The following MECOM variants were observed in gnomAD, a reference collection of about 807,000 sequenced individuals.
MECOM encodes MDS1 and EVI1 complex locus.
MECOM carries 13 observed loss-of-function variants against 116.3 expected under a neutral mutation model. The observed-to-expected ratio is 0.11, with a 90% CI of 0.07 to 0.18. The LOEUF (loss-of-function observed/expected upper bound fraction) is 0.18. MECOM is among the 10% of genes least tolerant of loss of function. The probability of loss-of-function intolerance (pLI) is 1.00; values close to 1 mark genes in which losing one functional copy is unlikely to be tolerated. For synonymous variants in MECOM, 528 were observed against 535.2 expected, an observed-to-expected ratio of 0.99 and a Z score of 0.19; for missense variants, 1,299 against 1,509.0, an observed-to-expected ratio of 0.86 and a Z score of 2.31.
In MECOM at chr3:169,483,090, T is replaced by C. The variant is rs571946012; in HGVS notation, c.38-101566A>G. Among the ~76,000 whole-genome samples the C allele has an allele frequency of 5.3e-5, 8 of 152,188 alleles. No homozygotes were observed. In the South Asian group the frequency reaches 6.2e-4, roughly 12 times the overall value. On this transcript the variant is annotated intron_variant, in intron 1 of 16. Coordinates refer to ENST00000651503, the MANE Select transcript of MECOM (RefSeq NM_004991.4). ...ATCAGGTGATTATTAATTCATGGTATACTCGACTAGCAGCCAAAACTACAA... is the reference window on the plus strand; with the variant it reads ...ATCAGGTGATTATTAATTCATGGTACACTCGACTAGCAGCCAAAACTACAA...
At chr3:169,485,944 T>TATATATATACATATATA (rs1491555135) in intron 1 of MECOM, among the ~76,000 whole-genome samples, 2 of 101,310 alleles carry the variant, frequency 2.0e-5, no homozygotes, top group African/African-American at 4.2e-5. Flanking sequence ...TATATATGTA[T>TATATATATACATATATA]GTATATATGT....
At chr3:169,238,685 C>T (rs906099900) in intron 2 of MECOM, among the ~76,000 whole-genome samples, 9 of 152,112 alleles carry the variant, frequency 5.9e-5, no homozygotes, top group Non-Finnish European at 1.2e-4. Context: ...AGGCATAAAG[C>T]TGATTCAGAT....
rs897589795 is a variant in MECOM, at chr3:169,321,503, T to C, written c.375+59684A>G. ...TTGCAGTGAGCTGAGATTGCAACAC[T>C]GCACTCCAGCCTGGGTGACAGAGCG... On this transcript the variant is annotated intron_variant, in intron 2 of 16. Transcript: ENST00000651503. Among the ~76,000 whole-genome samples the C allele has an allele frequency of 2.6e-5, 4 of 151,892 alleles. No homozygotes were observed. The East Asian group carries it at 7.8e-4, about 29-fold the overall frequency.
chr3:169,288,286 G>T (rs1290189148), intron 2 of MECOM, among the ~76,000 whole-genome samples: 1 of 151,408 alleles, frequency 6.6e-6, no homozygotes. Context: ...GAATAGGCAA[G>T]AAAAATAAAT....
At chr3:169,322,998 A>T (rs34649132) in intron 2 of MECOM, among the ~76,000 whole-genome samples, 1,152 of 33,192 alleles carry the variant, frequency 0.035, 12 homozygotes, top group East Asian at 0.22. Flanking sequence ...AGACTCCGGT[A>T]AAAAAAAAAA....
chr3:169,121,319 T>C, intron 6 of MECOM, 110 bp from the exon 7 acceptor site: 1 of 1,191,348 alleles, frequency 8.4e-7, no homozygotes, highest in Non-Finnish European at 1.1e-6. Context: ...GTTTTTCTTT[T>C]CCCCAAAGAC....
intron 2 of MECOM, among the ~76,000 whole-genome samples, chr3:169,335,831 T>C (rs1723501268): frequency 6.6e-6 from 1 of 152,150 alleles, no homozygotes; most frequent in Non-Finnish European, 1.5e-5. Flanking sequence ...GCATTTAATA[T>C]ATGTATATAA....
At chr3:169,516,353 C>G (rs1263744454) in intron 1 of MECOM, among the ~76,000 whole-genome samples, 3 of 152,092 alleles carry the variant, frequency 2.0e-5, no homozygotes, top group African/African-American at 7.2e-5. Flanking sequence ...TATCTTTAAA[C>G]AAGAAAGCAA....
intron 1 of MECOM, among the ~76,000 whole-genome samples, chr3:169,648,643 T>C (rs1774474838): frequency 6.6e-6 from 1 of 152,246 alleles, no homozygotes; most frequent in Admixed American, 6.5e-5. Flanking sequence ...CTTGGATGCA[T>C]ACACATAGCT....
intron 2 of MECOM, among the ~76,000 whole-genome samples, chr3:169,314,458 T>A (rs1719375345): frequency 6.6e-6 from 1 of 152,266 alleles, no homozygotes. Flanking sequence ...TGTAACACCA[T>A]CAATGTCACC....
At chr3:169,126,384 C>T (rs570439549) in intron 5 of MECOM, among the ~76,000 whole-genome samples, 1 of 152,018 alleles carries the variant, frequency 6.6e-6, no homozygotes, top group Non-Finnish European at 1.5e-5. Flanking sequence ...ATTTCTGACA[C>T]CAGAGATATT....
rs541050700 is a variant in MECOM, at chr3:169,118,878, C to T, written c.1133-2139G>A. 1.4e-3 allele frequency among the ~76,000 whole-genome samples: 213 copies of T among 152,224 alleles called. 1 individual carries two copies. The highest frequency in any genetic ancestry group is 3.4e-3 in the African/African-American group (141 of 41,550). On this transcript the variant is annotated intron_variant, in intron 7 of 16. Coordinates refer to ENST00000651503, the MANE Select transcript of MECOM (RefSeq NM_004991.4). ...TTTTCTTAGGCAGAGGCTTTGTTTT[C>T]GGCACTTGAAGGCCTGGCCTGGCAT...
intron 1 of MECOM, among the ~76,000 whole-genome samples, chr3:169,444,305 ATGGTTTGGC>A (rs1021550881): frequency 2.6e-5 from 4 of 152,136 alleles, no homozygotes; most frequent in African/African-American, 4.8e-5. Context: ...CAACACTGAT[ATGGTTTGGC>A]TGTGTCCCCA....
chr3:169,575,483 G>C (rs1560451151), intron 1 of MECOM, among the ~76,000 whole-genome samples: 1 of 152,142 alleles, frequency 6.6e-6, no homozygotes, highest in Non-Finnish European at 1.5e-5. Flanking sequence ...ACCAAATCTG[G>C]GTTGCTCGTT....
chr3:169,471,975 A>G (rs990374657), intron 1 of MECOM, among the ~76,000 whole-genome samples: 1 of 152,146 alleles, frequency 6.6e-6, no homozygotes, highest in Non-Finnish European at 1.5e-5. Flanking sequence ...AGCTGTGTAG[A>G]CTTGGGCTAG....
In MECOM at chr3:169,105,148, C is replaced by T. The variant is rs114160943; in HGVS notation, c.2604+2778G>A. ...AGCAACCACTGAAGCAACATAAAAG[C>T]CTTCGTTGAATCCTTCTTTTCATCT... is the stretch of plus-strand genomic sequence containing the variant. On this transcript the variant is annotated intron_variant, in intron 10 of 16. Transcript: ENST00000651503. Among the ~76,000 whole-genome samples, 1,392 of 152,228 alleles carry T rather than the reference C, an allele frequency of 9.1e-3. 21 individuals are homozygous for T. The highest frequency in any genetic ancestry group is 0.032 in the African/African-American group (1,344 of 41,554).
chr3:169,095,999 A>C lies in MECOM; in HGVS notation c.2850-754T>G, dbSNP rs142354037. On this transcript the variant is annotated intron_variant, in intron 12 of 16. Coordinates refer to ENST00000651503, the MANE Select transcript of MECOM (RefSeq NM_004991.4). Reference sequence around the variant, plus strand: ...AGGTTGGTTTTTCATGAAAGCACTTATTATTGGTTGGTTAGTTGTTTCTGT... The same window carrying C: ...AGGTTGGTTTTTCATGAAAGCACTTCTTATTGGTTGGTTAGTTGTTTCTGT... 1.7e-3 allele frequency among the ~76,000 whole-genome samples: 254 copies of C among 152,106 alleles called. 1 individual carries two copies. The highest frequency in any genetic ancestry group is 5.8e-3 in the African/African-American group (241 of 41,486).
rs193025835 is a variant in MECOM, at chr3:169,378,595, T to A, written c.375+2592A>T. 5.5e-3 allele frequency among the ~76,000 whole-genome samples: 696 copies of A among 125,964 alleles called. 22 individuals are homozygous for A. The highest frequency in any genetic ancestry group is 8.4e-3 in the Non-Finnish European group (471 of 56,346). The allele number at this position is 125,964 out of a possible 152,430, so 82.6% of individuals were successfully genotyped here. On this transcript the variant is annotated intron_variant, in intron 2 of 16. Coordinates refer to ENST00000651503, the MANE Select transcript of MECOM (RefSeq NM_004991.4). The stretch of plus-strand genomic sequence containing the variant: ...GAAAGAAAGAAAGAAAGTAAGTAAG[T>A]AAGTTTGGGGACTTAATACAATATG...
At chr3:169,405,347 CAG>C (rs1736530020) in intron 1 of MECOM, among the ~76,000 whole-genome samples, 1 of 152,080 alleles carries the variant, frequency 6.6e-6, no homozygotes, top group Non-Finnish European at 1.5e-5. Context: ...TTGTTCAAAA[CAG>C]ATAAAGAGTA....
Sources: gnomAD v4.1 joint callset for allele counts (sites outside exome capture counted in the v4.1 genomes callset) on GRCh38, gnomAD v4.1.1 for gene constraint, MANE v1.5 for transcripts, NCBI Gene and HGNC (gene_info 2026-07-23, HGNC 2026-07-21) for gene names.